The following KLF12 variants were observed in gnomAD, a reference collection of about 807,000 sequenced individuals.
KLF12 encodes Krueppel-like factor 12.
Under a neutral mutation model 37.8 loss-of-function variants are expected in KLF12, and 9 were observed. The ratio of observed to expected loss-of-function variants is 0.24; its 90% CI spans 0.14 to 0.42. The LOEUF (loss-of-function observed/expected upper bound fraction) is 0.42, where lower values mean the gene tolerates loss of function less well. Among genes scored for constraint, KLF12 ranks in the 10% least tolerant of loss-of-function variants. The pLI, the probability that KLF12 is intolerant of heterozygous loss-of-function variation, is 1.00. For missense variants in KLF12, 411 were observed against 516.0 expected, an observed-to-expected ratio of 0.80 and a Z score of 1.97; for synonymous variants, 208 against 202.1, an observed-to-expected ratio of 1.03 and a Z score of -0.25.
At chr13:74,271,506 CT>C in the KLF12 span, among the ~76,000 whole-genome samples, 1 of 152,064 alleles carries the variant, frequency 6.6e-6, no homozygotes, top group Non-Finnish European at 1.5e-5. Flanking sequence ...GCAGAAGAGC[CT>C]CTTAAAAAAT....
At chr13:74,269,917 T>C in the KLF12 span, among the ~76,000 whole-genome samples, 2 of 152,204 alleles carry the variant, frequency 1.3e-5, no homozygotes, top group Non-Finnish European at 2.9e-5. Context: ...GTGTTGTTGG[T>C]ATTCAGTGTA....
At chr13:74,024,363 G>T (rs1307004905) in intron 1 of KLF12, among the ~76,000 whole-genome samples, 1 of 152,132 alleles carries the variant, frequency 6.6e-6, no homozygotes, top group Non-Finnish European at 1.5e-5. Context: ...CCATCTAATG[G>T]TTTATGTATT....
the KLF12 span, among the ~76,000 whole-genome samples, chr13:74,173,150 A>G: frequency 2.0e-5 from 3 of 152,310 alleles, no homozygotes; most frequent in Admixed American, 2.0e-4. Context: ...ATCAACTCCA[A>G]TTCTGAGAAG....
intron 7 of KLF12, among the ~76,000 whole-genome samples, chr13:73,712,066 C>T (rs978230644): frequency 1.3e-5 from 2 of 152,084 alleles, no homozygotes; most frequent in African/African-American, 4.8e-5. Flanking sequence ...GAGCCGGGCG[C>T]GGTGGCTCAC....
chr13:74,249,959 G>C, the KLF12 span, among the ~76,000 whole-genome samples: 36,630 of 152,062 alleles, frequency 0.24, 6,288 homozygotes, highest in African/African-American at 0.49. Flanking sequence ...ACTCAACAGT[G>C]TCCAAACTTT....
intron 6 of KLF12, among the ~76,000 whole-genome samples, chr13:73,724,776 A>C (rs1338417177): frequency 1.3e-5 from 2 of 152,204 alleles, no homozygotes; most frequent in Admixed American, 1.3e-4. Flanking sequence ...TTACTGCTCG[A>C]AGCTCACACA....
chr13:73,965,210 GT>G (rs1891141353), intron 2 of KLF12, among the ~76,000 whole-genome samples: 1 of 152,012 alleles, frequency 6.6e-6, no homozygotes, highest in Non-Finnish European at 1.5e-5. Context: ...AAAAAAAATA[GT>G]GCTGAGAACT....
At chr13:74,281,475 A>G in the KLF12 span, among the ~76,000 whole-genome samples, 1 of 152,232 alleles carries the variant, frequency 6.6e-6, no homozygotes, top group East Asian at 1.9e-4. Context: ...AAAGAAAACC[A>G]GTTCTTAGAG....
chr13:73,935,720 C>T (rs1157789475), intron 3 of KLF12, among the ~76,000 whole-genome samples: 1 of 152,090 alleles, frequency 6.6e-6, no homozygotes. Context: ...CTCCACCTCC[C>T]GAGCTCAAGC....
chr13:74,007,412 C>G (rs1892438459), intron 1 of KLF12, among the ~76,000 whole-genome samples: 1 of 147,578 alleles, frequency 6.8e-6, no homozygotes, highest in African/African-American at 2.5e-5. Flanking sequence ...GCTGGGACCA[C>G]AGGCGCCCGC....
At chr13:74,250,444 C>T in the KLF12 span, among the ~76,000 whole-genome samples, 1 of 152,050 alleles carries the variant, frequency 6.6e-6, no homozygotes, top group African/African-American at 2.4e-5. Flanking sequence ...GAAAGGAACC[C>T]TGGAGAACTT....
intron 1 of KLF12, among the ~76,000 whole-genome samples, chr13:74,019,944 T>C (rs1051439205): frequency 6.6e-6 from 1 of 152,182 alleles, no homozygotes; most frequent in South Asian, 2.1e-4. Flanking sequence ...GGATCAAATA[T>C]AAAATGACAT....
At position 73,846,326 on chromosome 13, in the gene KLF12, C is replaced by G. The variant is rs1430383558; in HGVS notation, c.171G>C (p.Leu57Phe). The change falls in exon 4 of 8, where the codon TTG becomes TTC. Residue 57 changes from leucine (L) to phenylalanine (F), a missense_variant. Physicochemically the swap from Leu to Phe is conservative, Grantham distance 22 (BLOSUM62 0). This residue lies in a region of KLF12 where 351 missense variants were observed against 397.8 expected (regional missense o/e 0.88). Coordinates refer to ENST00000377669, the MANE Select transcript of KLF12 (RefSeq NM_007249.5). The stretch of plus-strand genomic sequence containing the variant: ...GGGGCTCCCCTTTCACATTATTTAG[C>G]AACAGGGGAACGGCTTCCATATCGG... The G allele has an allele frequency of 1.9e-6, 3 of 1,613,850 alleles. No homozygotes were observed. Among genetic ancestry groups the G allele is most frequent in the Non-Finnish European group, 2.5e-6 (3 of 1,179,972 alleles).
At chr13:73,832,290 G>A (rs1341416622) in intron 4 of KLF12, among the ~76,000 whole-genome samples, 5 of 152,018 alleles carry the variant, frequency 3.3e-5, no homozygotes, top group East Asian at 1.9e-4. Context: ...AAAGCTTTAC[G>A]CTTCTCCAAC....
At chr13:73,882,212 G>A (rs1887014671) in intron 3 of KLF12, among the ~76,000 whole-genome samples, 1 of 152,094 alleles carries the variant, frequency 6.6e-6, no homozygotes, top group African/African-American at 2.4e-5. Context: ...ACTAACCTCT[G>A]CATACAAACA....
At chr13:73,982,340 C>G (rs1230056420) in intron 2 of KLF12, among the ~76,000 whole-genome samples, 1 of 152,134 alleles carries the variant, frequency 6.6e-6, no homozygotes, top group African/African-American at 2.4e-5. Context: ...GGAGGAGGTT[C>G]CATTTTGGGG....
At chr13:73,800,093 G>A (rs1882206061) in intron 5 of KLF12, 1 of 152,010 alleles carries the variant, frequency 6.6e-6, no homozygotes, top group African/African-American at 2.4e-5. Flanking sequence ...CAAAATGAGA[G>A]GTTAATCAAT....
chr13:73,722,759 C>T (rs1231497893), intron 6 of KLF12, among the ~76,000 whole-genome samples: 1 of 152,212 alleles, frequency 6.6e-6, no homozygotes, highest in Non-Finnish European at 1.5e-5. Context: ...ATCTTAACAT[C>T]TATTCAAACT....
intron 1 of KLF12, among the ~76,000 whole-genome samples, chr13:74,129,679 C>T (rs1038547995): frequency 1.2e-4 from 18 of 149,844 alleles, no homozygotes; most frequent in Non-Finnish European, 8.9e-5. Flanking sequence ...AAACACATGA[C>T]TTTAAGTTGA....
Sources: allele counts gnomAD v4.1 joint callset (sites outside exome capture counted in the v4.1 genomes callset), GRCh38; gene constraint gnomAD v4.1.1; regional missense constraint gnomAD v4.1.1; transcripts MANE v1.5; gene names NCBI Gene and HGNC (gene_info 2026-07-23, HGNC 2026-07-21).